The following IGSF11 variants were observed in gnomAD, a reference collection of about 807,000 sequenced individuals.
The protein encoded by IGSF11 is CXADR like 1.
A neutral mutation model predicts 41.0 loss-of-function variants in IGSF11; 22 were observed. The ratio of observed to expected loss-of-function variants is 0.54; its 90% confidence interval spans 0.38 to 0.77. The LOEUF is 0.77. Among genes scored for constraint, IGSF11 ranks in the 30% least tolerant of loss-of-function variants. The pLI is 0.00. For missense variants in IGSF11, 444 were observed against 530.8 expected (o/e 0.84, Z 1.61); for synonymous variants, 219 against 201.3 (o/e 1.09, Z -0.74).
chr3:119,030,581 G>A (rs1036563585), intron 1 of IGSF11, among the ~76,000 whole-genome samples: 1 of 152,156 alleles, frequency 6.6e-6, no homozygotes, highest in Admixed American at 6.5e-5. Context: ...GGTTTAGTAA[G>A]ATAGGCTTAA....
At chr3:118,915,268 C>A (rs1329132770) in intron 4 of IGSF11, among the ~76,000 whole-genome samples, 2 of 140,762 alleles carry the variant, frequency 1.4e-5, no homozygotes, top group African/African-American at 2.8e-5. Flanking sequence ...AAGATTTTGA[C>A]GAGCTGAGAG....
chr3:119,138,592 TG>T (rs1163285438), intron 1 of IGSF11, among the ~76,000 whole-genome samples: 2 of 152,048 alleles, frequency 1.3e-5, no homozygotes, highest in Non-Finnish European at 2.9e-5. Flanking sequence ...GGCTGAGGCC[TG>T]AGAATCGCTT....
chr3:118,970,263 G>GA (rs1217433440), intron 1 of IGSF11, among the ~76,000 whole-genome samples: 3 of 151,992 alleles, frequency 2.0e-5, no homozygotes, highest in Admixed American at 6.5e-5. Context: ...GTCTTTTCCT[G>GA]AAAAAAATAA....
chr3:118,950,377 A>C (rs111574043), intron 1 of IGSF11, among the ~76,000 whole-genome samples: 166 of 152,354 alleles, frequency 1.1e-3, no homozygotes, highest in African/African-American at 3.9e-3. Flanking sequence ...TTCCTATCAT[A>C]AACAATAAAG....
intron 1 of IGSF11, among the ~76,000 whole-genome samples, chr3:119,064,439 T>C (rs1004483034): frequency 3.3e-5 from 5 of 151,928 alleles, no homozygotes; most frequent in Non-Finnish European, 7.4e-5. Context: ...CTACACACTG[T>C]AGGTTTTTAA....
intron 1 of IGSF11, among the ~76,000 whole-genome samples, chr3:119,096,988 G>C (rs1310816249): frequency 6.6e-6 from 1 of 151,880 alleles, no homozygotes; most frequent in African/African-American, 2.4e-5. Context: ...TTTTTCTCAT[G>C]CTGCCATCTT....
intron 1 of IGSF11, among the ~76,000 whole-genome samples, chr3:119,058,633 C>G (rs1941943185): frequency 6.6e-6 from 1 of 152,160 alleles, no homozygotes; most frequent in Non-Finnish European, 1.5e-5. Context: ...GGTATGTACC[C>G]AAAGGATTAT....
chr3:119,124,102 G>T (rs1445871911), intron 1 of IGSF11, among the ~76,000 whole-genome samples: 2 of 151,996 alleles, frequency 1.3e-5, no homozygotes, highest in Non-Finnish European at 2.9e-5. Flanking sequence ...GAAATTCAAA[G>T]AAATTCAAGA....
chr3:118,913,825 G>A (rs982691001), intron 4 of IGSF11, among the ~76,000 whole-genome samples: 8 of 152,152 alleles, frequency 5.3e-5, no homozygotes, highest in Non-Finnish European at 1.2e-4. Context: ...TAAAAATAAG[G>A]TGGAACAAAT....
intron 1 of IGSF11, among the ~76,000 whole-genome samples, chr3:119,011,328 G>A (rs1411970424): frequency 1.3e-5 from 2 of 152,182 alleles, no homozygotes; most frequent in Non-Finnish European, 2.9e-5. Flanking sequence ...CCCGGATAGT[G>A]AGGGAAAACC....
chr3:118,967,262 A>G (rs1364730398), intron 1 of IGSF11, among the ~76,000 whole-genome samples: 1 of 152,112 alleles, frequency 6.6e-6, no homozygotes, highest in East Asian at 1.9e-4. Flanking sequence ...CAGATATAAC[A>G]GTCATAATTT....
intron 1 of IGSF11, among the ~76,000 whole-genome samples, chr3:119,072,388 T>C (rs1163064746): frequency 6.6e-6 from 1 of 152,236 alleles, no homozygotes; most frequent in Non-Finnish European, 1.5e-5. Context: ...TTTAATTGCT[T>C]GCCAATGTAT....
At chr3:119,071,782 T>A (rs1466590188) in intron 1 of IGSF11, among the ~76,000 whole-genome samples, 1 of 152,230 alleles carries the variant, frequency 6.6e-6, no homozygotes, top group Non-Finnish European at 1.5e-5. Flanking sequence ...CACTTCATTT[T>A]TCTTTTTCAA....
Position 118,904,657 on chromosome 3 carries a change from T to G in IGSF11, c.845A>C (p.Asn282Thr). Residue 282 changes from asparagine (N) to threonine (T), a missense_variant, in exon 6 of 7, where the codon AAT becomes ACT. This residue lies in a region of IGSF11 where 223 missense variants were observed against 226.2 expected (regional missense o/e 0.99). Coordinates refer to ENST00000393775, the MANE Select transcript of IGSF11 (RefSeq NM_001015887.3). ...NKEEEEEEIP[N>T]EIREDDLPPK... is the part of the protein sequence containing the mutation. ...AATCTGACATACAAACCTTATTTCATTAGGAATTTCTTCTTCTTCCTCCTC... is the reference window on the plus strand; with the variant it reads ...AATCTGACATACAAACCTTATTTCAGTAGGAATTTCTTCTTCTTCCTCCTC... 1.2e-6 allele frequency: 2 copies of G among 1,609,476 alleles called. No homozygotes were observed. The highest frequency in any genetic ancestry group is 1.7e-6 in the Non-Finnish European group (2 of 1,177,450).
At position 119,117,069 on chromosome 3, in the gene IGSF11, T is replaced by C. The variant is rs139660002; in HGVS notation, c.-13-11864A>G. Among the ~76,000 whole-genome samples, 291 of 152,154 alleles carry C rather than the reference T, an allele frequency of 1.9e-3. 1 individual carries two copies. Among genetic ancestry groups the C allele is most frequent in the African/African-American group, 6.9e-3 (286 of 41,490 alleles). On this transcript the variant is annotated intron_variant, in intron 1 of 7. Transcript: ENST00000425327. Reference sequence around the variant, plus strand: ...TTGAGTACAAACTTCATCTCGCACATAACATGTCCAGCTCATGTCTATTAA... The same window carrying C: ...TTGAGTACAAACTTCATCTCGCACACAACATGTCCAGCTCATGTCTATTAA...
intron 1 of IGSF11, among the ~76,000 whole-genome samples, chr3:119,052,764 G>A (rs544292986): frequency 6.6e-6 from 1 of 151,566 alleles, no homozygotes; most frequent in African/African-American, 2.4e-5. Flanking sequence ...CTAACTAATC[G>A]AATCCAACAG....
Position 118,901,819 on chromosome 3 carries a change from C to T in IGSF11, c.*701G>A, listed in dbSNP as rs981001142. On this transcript the variant is annotated 3_prime_UTR_variant, in exon 7 of 7. Transcript: ENST00000393775. ...AAAATAAACAGTAATTGCCATGGAC[C>T]TGTAACAGATCCTAGAATAACACAG... The T allele has an allele frequency of 4.6e-5, 7 of 151,362 alleles. No individual in the cohort carries two copies. Among genetic ancestry groups the T allele is most frequent in the African/African-American group, 1.7e-4 (7 of 41,146 alleles). 9.4% of individuals were successfully genotyped at this position (151,362 alleles called of 1,614,324 possible). A position where few individuals can be genotyped will look rare whatever the true frequency, so the allele number is the denominator to read the frequency against.
At chr3:119,052,692 A>T (rs1941674891) in intron 1 of IGSF11, among the ~76,000 whole-genome samples, 1 of 152,088 alleles carries the variant, frequency 6.6e-6, no homozygotes, top group Non-Finnish European at 1.5e-5. Flanking sequence ...ACAGAAAAAA[A>T]AAAAGAAACC....
chr3:119,136,371 C>A (rs76092709), intron 1 of IGSF11, among the ~76,000 whole-genome samples: 3 of 152,040 alleles, frequency 2.0e-5, no homozygotes, highest in Admixed American at 6.6e-5. Context: ...AAAAGACATA[C>A]AGTGGCTGAA....
Sources: gnomAD v4.1 joint callset for allele counts (sites outside exome capture counted in the v4.1 genomes callset) on GRCh38, gnomAD v4.1.1 for gene constraint, gnomAD v4.1.1 regional missense constraint, MANE v1.5 for transcripts, NCBI Gene and HGNC (gene_info 2026-07-23, HGNC 2026-07-21) for gene names.